SGK1: variants seen among roughly 807,000 people sequenced by gnomAD.
The protein encoded by SGK1 is serum/glucocorticoid regulated kinase 1.
In SGK1, 26 loss-of-function variants were observed where a neutral mutation model predicts 64.2. The ratio of observed to expected loss-of-function variants is 0.40; its 90% CI spans 0.30 to 0.56. The LOEUF (loss-of-function observed/expected upper bound fraction) is 0.56, where lower values mean the gene tolerates loss of function less well. Ranked by LOEUF, SGK1 falls within the 20% of genes least tolerant of loss-of-function variation. SGK1 has a pLI of 0.38. For missense variants in SGK1, 519 were observed against 645.6 expected (o/e 0.80, Z 2.12); for synonymous variants, 265 against 239.7 (o/e 1.11, Z -0.98).
intron 2 of SGK1, 56 bp from the exon 3 acceptor site, chr6:134,207,487 A>C (rs1775812734): frequency 3.4e-6 from 4 of 1,185,408 alleles, no homozygotes; most frequent in Non-Finnish European, 5.0e-6. Context: ...CATTTCAGCT[A>C]TTTTAGGCTT....
intron 2 of SGK1, among the ~76,000 whole-genome samples, chr6:134,244,441 G>A (rs558935467): frequency 1.3e-5 from 2 of 152,280 alleles, no homozygotes; most frequent in East Asian, 1.9e-4. Context: ...ATGTGTGCAC[G>A]TGTCTTTATA....
At chr6:134,184,220 C>T (rs999845977) in intron 3 of SGK1, among the ~76,000 whole-genome samples, 4 of 152,006 alleles carry the variant, frequency 2.6e-5, no homozygotes, top group Admixed American at 2.0e-4. Flanking sequence ...ACTTACAGGC[C>T]GGGAGCAGTA....
At chr6:134,190,127 G>A (rs540117067) in intron 3 of SGK1, among the ~76,000 whole-genome samples, 1 of 152,290 alleles carries the variant, frequency 6.6e-6, no homozygotes, top group East Asian at 1.9e-4. Context: ...TGGAATTACA[G>A]GCGTGAGCCA....
chr6:134,264,175 A>C (rs1407173997), intron 1 of SGK1, among the ~76,000 whole-genome samples: 1 of 149,932 alleles, frequency 6.7e-6, no homozygotes, highest in Non-Finnish European at 1.5e-5. Flanking sequence ...GCTGGAGTAC[A>C]GTGGCGCGAT....
intron 5 of SGK1, 199 bp from the exon 6 acceptor site, chr6:134,173,765 A>T: frequency 1.7e-6 from 1 of 591,994 alleles, no homozygotes; most frequent in South Asian, 2.3e-5. Context: ...CAGACAGATA[A>T]AACCTTTTTA....
chr6:134,244,760 G>A (rs1428804536), intron 2 of SGK1, among the ~76,000 whole-genome samples: 1 of 152,162 alleles, frequency 6.6e-6, no homozygotes, highest in African/African-American at 2.4e-5. Flanking sequence ...GTTCCTATTC[G>A]GCCATCTTGC....
At position 134,172,790 on chromosome 6, in the gene SGK1, CAA is replaced by C. The variant is rs772855945; in HGVS notation, c.835-18_835-17del. ...GGTAGAACAACTGCAGGAGACAGAACAAAGTCATTCTGGGTTGCAAATGAATT... is the reference window on the plus strand; with the variant it reads ...GGTAGAACAACTGCAGGAGACAGAACAGTCATTCTGGGTTGCAAATGAATT... On this transcript the variant is annotated splice_polypyrimidine_tract_variant and intron_variant, in intron 8 of 13. Coordinates refer to ENST00000367858, the MANE Select transcript of SGK1 (RefSeq NM_001143676.3). The C allele has an allele frequency of 3.2e-6, 5 of 1,558,578 alleles. No homozygotes were observed. The highest frequency in any genetic ancestry group is 1.1e-5 in the South Asian group (1 of 89,836).
chr6:134,246,839 C>T (rs930686160), intron 2 of SGK1, among the ~76,000 whole-genome samples: 4 of 152,122 alleles, frequency 2.6e-5, no homozygotes, highest in Admixed American at 2.6e-4. Context: ...GTGACCCACT[C>T]GCCTCCAACT....
At chr6:134,215,111 G>A (rs1775956045) in intron 2 of SGK1, 2 of 434,590 alleles carry the variant, frequency 4.6e-6, no homozygotes, top group Admixed American at 2.6e-5. Flanking sequence ...ATAAACATGA[G>A]AGTAAGTTTT....
At chr6:134,183,591 A>G (rs1184130873) in intron 3 of SGK1, among the ~76,000 whole-genome samples, 5 of 152,056 alleles carry the variant, frequency 3.3e-5, no homozygotes, top group Admixed American at 2.6e-4. Context: ...GACATTTCTG[A>G]TTTTCCTCAG....
chr6:134,269,174 G>A (rs1582754068), intron 1 of SGK1, among the ~76,000 whole-genome samples: 1 of 147,522 alleles, frequency 6.8e-6, no homozygotes, highest in Non-Finnish European at 1.5e-5. Context: ...AACTCAGGTG[G>A]CAACACCTAC....
At chr6:134,241,203 C>A (rs1242139247) in intron 2 of SGK1, among the ~76,000 whole-genome samples, 1 of 151,826 alleles carries the variant, frequency 6.6e-6, no homozygotes, top group African/African-American at 2.4e-5. Flanking sequence ...GCATCCACTA[C>A]CACATCCGGC....
At chr6:134,242,620 TAATTTA>T (rs544286811) in intron 2 of SGK1, among the ~76,000 whole-genome samples, 2 of 152,140 alleles carry the variant, frequency 1.3e-5, no homozygotes, top group Non-Finnish European at 2.9e-5. Flanking sequence ...TAAATTTTTT[TAATTTA>T]AATTTAATTT....
intron 1 of SGK1, among the ~76,000 whole-genome samples, chr6:134,276,306 A>G (rs1472427799): frequency 2.6e-5 from 4 of 152,194 alleles, no homozygotes; most frequent in Admixed American, 6.5e-5. Flanking sequence ...GGAAATCAAC[A>G]ATTGGAAGAC....
At chr6:134,175,854 GCTGAAAAATC>G (rs1775219563) in intron 3 of SGK1, 1 of 1,232,232 alleles carries the variant, frequency 8.1e-7, no homozygotes, top group Non-Finnish European at 1.0e-6. Context: ...ACCAAGCAAG[GCTGAAAAATC>G]CCAGAACTTG....
chr6:134,253,735 A>G (rs952029814), intron 2 of SGK1, among the ~76,000 whole-genome samples: 1 of 152,184 alleles, frequency 6.6e-6, no homozygotes, highest in African/African-American at 2.4e-5. Context: ...TAAAGGAGGA[A>G]GAAGAGGCAG....
intron 1 of SGK1, among the ~76,000 whole-genome samples, chr6:134,288,411 G>A (rs1454078269): frequency 6.6e-6 from 1 of 152,182 alleles, no homozygotes; most frequent in Non-Finnish European, 1.5e-5. Flanking sequence ...TCTTTTGTGA[G>A]ATCAGTAGAA....
At chr6:134,237,598 A>G (rs1582734378) in intron 2 of SGK1, among the ~76,000 whole-genome samples, 1 of 151,772 alleles carries the variant, frequency 6.6e-6, no homozygotes, top group Admixed American at 6.6e-5. Flanking sequence ...AATCGCTTGA[A>G]CCCGGGAAGG....
At chr6:134,223,225 G>T (rs572803082) in intron 2 of SGK1, among the ~76,000 whole-genome samples, 1 of 151,902 alleles carries the variant, frequency 6.6e-6, no homozygotes, top group African/African-American at 2.4e-5. Flanking sequence ...AAAATTAGCC[G>T]GGCGTGGTGG....
Sources: allele counts gnomAD v4.1 joint callset (sites outside exome capture counted in the v4.1 genomes callset), GRCh38; gene constraint gnomAD v4.1.1; transcripts MANE v1.5; gene names NCBI Gene and HGNC (gene_info 2026-07-23, HGNC 2026-07-21).